Variants in AGAP1 observed in about 807,000 individuals in gnomAD.
AGAP1 encodes the protein ArfGAP with GTPase domain, ankyrin repeat and PH domain 1.
In AGAP1, 29 loss-of-function variants were observed where a neutral mutation model predicts 105.3. The ratio of observed to expected loss-of-function variants is 0.28; its 90% CI spans 0.21 to 0.38. AGAP1 has a LOEUF of 0.38. AGAP1 is among the 10% of genes least tolerant of loss of function. The probability of loss-of-function intolerance (pLI) is 1.00; values close to 1 mark genes in which losing one functional copy is unlikely to be tolerated. For missense variants in AGAP1, 998 were observed against 1,165.1 expected (o/e 0.86, Z 2.09); for synonymous variants, 509 against 485.9 (o/e 1.05, Z -0.63).
intron 1 of AGAP1, among the ~76,000 whole-genome samples, chr2:235,546,127 G>T (rs116788954): frequency 0.01 from 1,540 of 152,298 alleles, 17 homozygotes; most frequent in African/African-American, 0.035. Context: ...TCAAGGATGG[G>T]GGACAGCTGT....
intron 10 of AGAP1, among the ~76,000 whole-genome samples, chr2:235,895,492 T>C (rs887036641): frequency 1.3e-5 from 2 of 152,194 alleles, no homozygotes; most frequent in Admixed American, 6.5e-5. Context: ...TCTCTTTGCC[T>C]CACTAACTCC....
intron 1 of AGAP1, among the ~76,000 whole-genome samples, chr2:235,598,701 TG>T (rs1434878970): frequency 6.6e-6 from 1 of 152,234 alleles, no homozygotes; most frequent in African/African-American, 2.4e-5. Flanking sequence ...GCGTTTTTGC[TG>T]TAACGGAGTC....
Position 235,900,596 on chromosome 2 carries a change from G to A in AGAP1, c.1156-8142G>A, listed in dbSNP as rs1360431458. Among the ~76,000 whole-genome samples, 1 of 152,166 alleles carries A rather than the reference G, an allele frequency of 6.6e-6. No individual in the cohort carries two copies. The highest frequency in any genetic ancestry group is 1.5e-5 in the Non-Finnish European group (1 of 68,046). On this transcript the variant is annotated intron_variant, in intron 10 of 17. Transcript: ENST00000304032. The surrounding 1 kb of genome is among the most constrained non-coding windows in gnomAD (Gnocchi z 5.5). ...ACCATATATTGGACACTGATTCAGA[G>A]CATACACAGCCTTCTGGAGAACTTT...
chr2:235,956,310 G>A (rs751766520), intron 12 of AGAP1, among the ~76,000 whole-genome samples: 2 of 152,158 alleles, frequency 1.3e-5, no homozygotes, highest in Non-Finnish European at 2.9e-5. Context: ...CTTGCATTCA[G>A]CTAAAAATCA....
At position 235,728,067 on chromosome 2, in the gene AGAP1, T is replaced by TG. The variant is rs1951739358; in HGVS notation, c.310+10428dup. ...TCCTTGTAAGACCGTGTCTGCCCAG[T>TG]GGGGGCCTGGACACTAAGTGCCACT... is the stretch of plus-strand genomic sequence containing the variant. On this transcript the variant is annotated intron_variant, in intron 3 of 17. Transcript: ENST00000304032. The surrounding 1 kb of genome is among the most constrained non-coding windows in gnomAD (Gnocchi z 4.3). Among the ~76,000 whole-genome samples, 1 of 152,176 alleles carries TG rather than the reference T, an allele frequency of 6.6e-6. No individual in the cohort carries two copies. Among genetic ancestry groups the TG allele is most frequent in the African/African-American group, 2.4e-5 (1 of 41,444 alleles).
chr2:235,856,879 CTG>C (rs2048708151), intron 9 of AGAP1, among the ~76,000 whole-genome samples: 1 of 152,268 alleles, frequency 6.6e-6, no homozygotes, highest in Non-Finnish European at 1.5e-5. Flanking sequence ...GCTCAGGTGT[CTG>C]AGAGCACGCT....
In AGAP1 at chr2:235,957,763, T is replaced by C. The variant is rs527679451; in HGVS notation, c.1484-10699T>C. ...CCTTATTAAAGATCCAAATTAGCTT[T>C]ATATCGTTGGCCGTGTATCAAAGGA... is the stretch of plus-strand genomic sequence containing the variant. On this transcript the variant is annotated intron_variant, in intron 12 of 17. Transcript: ENST00000304032. The surrounding 1 kb of genome is among the most constrained non-coding windows in gnomAD (Gnocchi z 4.6). Among the ~76,000 whole-genome samples, 2 of 152,322 alleles carry C rather than the reference T, an allele frequency of 1.3e-5. No individual in the cohort carries two copies. The highest frequency in any genetic ancestry group is 4.1e-4 in the South Asian group (2 of 4,824).
intron 1 of AGAP1, among the ~76,000 whole-genome samples, chr2:235,543,463 G>A (rs1943520193): frequency 6.6e-6 from 1 of 152,282 alleles, no homozygotes; most frequent in Non-Finnish European, 1.5e-5. Flanking sequence ...ACCAGGGGAC[G>A]AAGGACATGG....
At chr2:235,627,707 G>A (rs1946688662) in intron 1 of AGAP1, among the ~76,000 whole-genome samples, 1 of 152,156 alleles carries the variant, frequency 6.6e-6, no homozygotes, top group Middle Eastern at 3.4e-3. Flanking sequence ...CCTCGTCCCC[G>A]GCTCAGCCCT....
Position 235,981,092 on chromosome 2 carries a change from T to TA in AGAP1, c.1645+12471dup, listed in dbSNP as rs2125407281. On this transcript the variant is annotated intron_variant, in intron 13 of 17. Transcript: ENST00000304032. The surrounding 1 kb of genome is among the most constrained non-coding windows in gnomAD (Gnocchi z 5.5). Reference sequence around the variant, plus strand: ...TTTGTTTTAACATTTTGTGCAAGGCTAAGGAATTAGACACCCCAGAGTATG... The same window carrying TA: ...TTTGTTTTAACATTTTGTGCAAGGCTAAAGGAATTAGACACCCCAGAGTATG... Among the ~76,000 whole-genome samples the TA allele has an allele frequency of 6.6e-6, 1 of 152,308 alleles. No homozygotes were observed. Among genetic ancestry groups the TA allele is most frequent in the Admixed American group, 6.5e-5 (1 of 15,302 alleles).
chr2:235,769,092 C>T lies in AGAP1; in HGVS notation c.673+18604C>T, dbSNP rs143831377. 4.2e-3 allele frequency among the ~76,000 whole-genome samples: 638 copies of T among 152,278 alleles called. 3 individuals carry two copies. The highest frequency in any genetic ancestry group is 0.014 in the African/African-American group (600 of 41,546). The stretch of plus-strand genomic sequence containing the variant: ...GATTAGAAATTGCCAGCCTTGGATC[C>T]TTTTCTCAGATATTTTGTTTTCCTG... On this transcript the variant is annotated intron_variant, in intron 6 of 17. Transcript: ENST00000304032. This position sits in a 1 kb window ranked among gnomAD's most constrained non-coding sequence, Gnocchi z 4.4.
chr2:235,504,187 A>G (rs1316689148), intron 1 of AGAP1, among the ~76,000 whole-genome samples: 1 of 152,196 alleles, frequency 6.6e-6, no homozygotes, highest in African/African-American at 2.4e-5. Flanking sequence ...AAGGTGCCCA[A>G]GTCATAAAGG....
intron 1 of AGAP1, among the ~76,000 whole-genome samples, chr2:235,666,503 A>T (rs1353076503): frequency 6.6e-6 from 1 of 152,126 alleles, no homozygotes; most frequent in Non-Finnish European, 1.5e-5. Context: ...CCACAGTTGC[A>T]CTTGACATGG....
At position 235,906,960 on chromosome 2, in the gene AGAP1, G is replaced by A. The variant is rs2051335400; in HGVS notation, c.1156-1778G>A. 2.0e-5 allele frequency among the ~76,000 whole-genome samples: 3 copies of A among 152,194 alleles called. No individual in the cohort carries two copies. In the South Asian group the frequency reaches 6.2e-4, roughly 32 times the overall value. On this transcript the variant is annotated intron_variant, in intron 10 of 17. Transcript: ENST00000304032. This position sits in a 1 kb window ranked among gnomAD's most constrained non-coding sequence, Gnocchi z 5.3. ...GAATCCGGAAGGCAGAGGTTACAGT[G>A]AGCTGAGTTCATGCCACTCCACTCC...
chr2:235,742,899 G>A (rs1397657207), intron 4 of AGAP1, among the ~76,000 whole-genome samples: 3 of 152,182 alleles, frequency 2.0e-5, no homozygotes, highest in African/African-American at 7.2e-5. Flanking sequence ...AGGTGCAGCG[G>A]CTCACACCTG....
intron 1 of AGAP1, among the ~76,000 whole-genome samples, chr2:235,646,457 T>A (rs1416903565): frequency 6.6e-6 from 1 of 152,178 alleles, no homozygotes; most frequent in Non-Finnish European, 1.5e-5. Flanking sequence ...TTCTAAGATG[T>A]GCCTCAGGAA....
Position 235,600,212 on chromosome 2 carries a change from CTGA to C in AGAP1, c.163+105368_163+105370del, listed in dbSNP as rs1035241780. 2.0e-5 allele frequency among the ~76,000 whole-genome samples: 3 copies of C among 152,200 alleles called. No homozygotes were observed. Among genetic ancestry groups the C allele is most frequent in the Admixed American group, 1.3e-4 (2 of 15,284 alleles). On this transcript the variant is annotated intron_variant, in intron 1 of 17. Transcript: ENST00000304032. This position sits in a 1 kb window ranked among gnomAD's most constrained non-coding sequence, Gnocchi z 4.8. ...AGCTCATCTGGCAGCAGGGCCAGAGCTGATGATCTAATTCGGATGATTTATGGC... is the reference window on the plus strand; with the variant it reads ...AGCTCATCTGGCAGCAGGGCCAGAGCTGATCTAATTCGGATGATTTATGGC...
At chr2:236,010,175 A>G (rs2056462094) in intron 13 of AGAP1, among the ~76,000 whole-genome samples, 1 of 152,206 alleles carries the variant, frequency 6.6e-6, no homozygotes, top group Non-Finnish European at 1.5e-5. Context: ...ATTTCAAAAT[A>G]AAAATTTAAG....
In AGAP1 at chr2:235,569,501, C is replaced by A. The variant is rs1388790620; in HGVS notation, c.163+74652C>A. 1.3e-5 allele frequency among the ~76,000 whole-genome samples: 2 copies of A among 152,136 alleles called. No individual in the cohort carries two copies. Among genetic ancestry groups the A allele is most frequent in the African/African-American group, 2.4e-5 (1 of 41,426 alleles). ...TGGTGGCTCTATAGGCAGTAAAGGG[C>A]AAAATGGAAAGCAAACCTGGCCTCT... On this transcript the variant is annotated intron_variant, in intron 1 of 17. Coordinates refer to ENST00000304032, the MANE Select transcript of AGAP1 (RefSeq NM_001037131.3). This position sits in a 1 kb window ranked among gnomAD's most constrained non-coding sequence, Gnocchi z 5.9.
Sources: allele counts gnomAD v4.1 joint callset (sites outside exome capture counted in the v4.1 genomes callset), GRCh38; gene constraint gnomAD v4.1.1; non-coding constraint Gnocchi (gnomAD v3.1); transcripts MANE v1.5; gene names NCBI Gene and HGNC (gene_info 2026-07-23, HGNC 2026-07-21).